Variants in GSDME observed in about 807,000 individuals in gnomAD.
GSDME encodes the protein gasdermin-E.
GSDME carries 44 observed loss-of-function variants against 47.5 expected under a neutral mutation model. The observed-to-expected ratio is 0.93, with a 90% CI of 0.73 to 1.19. GSDME has a LOEUF of 1.19. Among genes scored for constraint, GSDME ranks in the 50% most tolerant of loss-of-function variants. The pLI, the probability that GSDME is intolerant of heterozygous loss-of-function variation, is 0.00. For synonymous variants in GSDME, 258 were observed against 252.8 expected, an observed-to-expected ratio of 1.02 and a Z score of -0.20; for missense variants, 663 against 604.2, an observed-to-expected ratio of 1.10 and a Z score of -1.02.
chr7:24,719,286 C>G (rs1789688598), intron 3 of GSDME, 68 bp from the exon 4 acceptor site: 1 of 1,533,106 alleles, frequency 6.5e-7, no homozygotes. Context: ...TGAATTTCCT[C>G]TTGCACAGCA....
intron 7 of GSDME, among the ~76,000 whole-genome samples, chr7:24,706,951 GACAGGGCAGCTGAGGCTCTCTCC>G (rs1196295305): frequency 1.3e-5 from 2 of 152,240 alleles, no homozygotes; most frequent in African/African-American, 4.8e-5. Context: ...TCCAGCATTT[GACAGGGCAGCTGAGGCTCTCTCC>G]ACAGGGTGCT....
the GSDME span, among the ~76,000 whole-genome samples, chr7:24,775,519 G>A: frequency 6.6e-6 from 1 of 152,106 alleles, no homozygotes; most frequent in Non-Finnish European, 1.5e-5. Flanking sequence ...TGCTGGGGAC[G>A]CCTTGAGGTT....
At position 24,705,706 on chromosome 7, in the gene GSDME, A is replaced by G. The variant is rs552607528; in HGVS notation, c.1183+478T>C. On this transcript the variant is annotated intron_variant, in intron 8 of 9. Coordinates refer to ENST00000645220, the MANE Select transcript of GSDME (RefSeq NM_001127453.2). The surrounding 1 kb of genome is among the most constrained non-coding windows in gnomAD (Gnocchi z 4.1). ...CAGCCACAGCTCTGCCTCCCAGCCTAGTACATTGGATGGTTGAATGCTCTC... is the reference window on the plus strand; with the variant it reads ...CAGCCACAGCTCTGCCTCCCAGCCTGGTACATTGGATGGTTGAATGCTCTC... 3 of 264,004 alleles carry G rather than the reference A, an allele frequency of 1.1e-5. No homozygotes were observed. Among genetic ancestry groups the G allele is most frequent in the African/African-American group, 6.7e-5 (3 of 44,898 alleles). 16.4% of individuals were successfully genotyped at this position (264,004 alleles called of 1,614,324 possible).
At chr7:24,702,907 A>T in intron 8 of GSDME, 74 bp from the exon 9 acceptor site, 1 of 1,293,628 alleles carries the variant, frequency 7.7e-7, no homozygotes, top group Non-Finnish European at 1.1e-6. Flanking sequence ...CCTGGATGGC[A>T]CCTAACTTAT....
intron 2 of GSDME, 90 bp downstream of exon 2, chr7:24,749,474 C>G (rs989654790): frequency 1.2e-5 from 14 of 1,135,282 alleles, no homozygotes; most frequent in Non-Finnish European, 1.7e-5. Context: ...TGCACTCCAG[C>G]ATGGGCGACA....
chr7:24,738,920 GTATATCCCTA>G (rs1270897769), intron 3 of GSDME, among the ~76,000 whole-genome samples: 1 of 152,162 alleles, frequency 6.6e-6, no homozygotes, highest in Non-Finnish European at 1.5e-5. Flanking sequence ...TGAGAAAACT[GTATATCCCTA>G]TGCAGAAGAA....
chr7:24,747,485 C>A (rs1178662757), intron 2 of GSDME, among the ~76,000 whole-genome samples: 1 of 152,164 alleles, frequency 6.6e-6, no homozygotes, highest in African/African-American at 2.4e-5. Flanking sequence ...TAATTAAGAG[C>A]TGAAGATATT....
the GSDME span, among the ~76,000 whole-genome samples, chr7:24,782,400 CTTTA>C: frequency 6.6e-6 from 1 of 152,120 alleles, no homozygotes. Flanking sequence ...ATGAATTCAT[CTTTA>C]TTTATGGCTG....
chr7:24,720,262 C>G (rs1448823798), intron 3 of GSDME, among the ~76,000 whole-genome samples: 1 of 152,204 alleles, frequency 6.6e-6, no homozygotes, highest in Admixed American at 6.5e-5. Flanking sequence ...AATAACTTCT[C>G]TGGAGATCTC....
chr7:24,758,545 T>C (rs1045291897), upstream of GSDME, among the ~76,000 whole-genome samples: 9 of 152,174 alleles, frequency 5.9e-5, no homozygotes, highest in Admixed American at 5.9e-4. The surrounding 1 kb of genome is among the most constrained non-coding windows in gnomAD (Gnocchi z 4.6). Flanking sequence ...GAAAATGAAA[T>C]TTCTGCCCTG....
chr7:24,720,724 T>C (rs2128054346), intron 3 of GSDME, among the ~76,000 whole-genome samples: 1 of 152,332 alleles, frequency 6.6e-6, no homozygotes, highest in East Asian at 1.9e-4. Flanking sequence ...GAGACCAGCC[T>C]GACCAACATG....
chr7:24,748,166 A>ATTTTTTT (rs1359637602), intron 2 of GSDME, among the ~76,000 whole-genome samples: 13 of 97,750 alleles, frequency 1.3e-4, no homozygotes, highest in African/African-American at 3.6e-4. Flanking sequence ...ATATATATAT[A>ATTTTTTT]TATTTTTTTT....
At chr7:24,703,818 T>G (rs55797319) in intron 8 of GSDME, 5,854 of 152,258 alleles carry the variant, frequency 0.038, 156 homozygotes, top group Non-Finnish European at 0.057. Context: ...GAAGAGAAGA[T>G]CCACAGTTTC....
chr7:24,794,261 T>TC, the GSDME span, among the ~76,000 whole-genome samples: 1 of 150,774 alleles, frequency 6.6e-6, no homozygotes, highest in Non-Finnish European at 1.5e-5. Flanking sequence ...TTTGCCTCTT[T>TC]TCTTCTCTCT....
upstream of GSDME, among the ~76,000 whole-genome samples, chr7:24,760,177 A>G (rs529371073): frequency 4.6e-5 from 7 of 152,338 alleles, no homozygotes; most frequent in South Asian, 2.1e-4. The surrounding 1 kb of genome is among the most constrained non-coding windows in gnomAD (Gnocchi z 4.2). Flanking sequence ...AAACACATCT[A>G]TTGGGTGTCG....
the GSDME span, among the ~76,000 whole-genome samples, chr7:24,766,143 G>C: frequency 6.6e-6 from 1 of 151,376 alleles, no homozygotes; most frequent in African/African-American, 2.4e-5. This position sits in a 1 kb window ranked among gnomAD's most constrained non-coding sequence, Gnocchi z 4.2. Flanking sequence ...CTGTAGTTCA[G>C]TCTAGTGATT....
the GSDME span, among the ~76,000 whole-genome samples, chr7:24,793,161 AC>A: frequency 1.3e-5 from 2 of 152,158 alleles, no homozygotes; most frequent in Non-Finnish European, 2.9e-5. Context: ...TTAATGTTAC[AC>A]TTAGTTTTAA....
rs1790508651 is a variant in GSDME, at chr7:24,742,021, C to T, written c.404+2541G>A. On this transcript the variant is annotated intron_variant, in intron 3 of 9. Transcript: ENST00000645220. This position sits in a 1 kb window ranked among gnomAD's most constrained non-coding sequence, Gnocchi z 4.4. ...ATCATGCTTCTGGTGGCACCACTCC[C>T]CAGGGCATCCCTTCCCCCATCACCA... Among the ~76,000 whole-genome samples the T allele has an allele frequency of 6.6e-6, 1 of 152,134 alleles. No homozygotes were observed. The highest frequency in any genetic ancestry group is 6.5e-5 in the Admixed American group (1 of 15,274).
intron 9 of GSDME, 179 bp downstream of exon 9, chr7:24,702,581 C>G (rs1788913407): frequency 1.7e-6 from 1 of 599,406 alleles, no homozygotes. Context: ...CTCTGGGTCT[C>G]AGTCTTCCCA....
Sources: gnomAD v4.1 joint callset for allele counts (sites outside exome capture counted in the v4.1 genomes callset) on GRCh38, gnomAD v4.1.1 for gene constraint, Gnocchi (gnomAD v3.1) non-coding constraint, MANE v1.5 for transcripts, NCBI Gene and HGNC (gene_info 2026-07-23, HGNC 2026-07-21) for gene names.